Variants in JPH2 observed in about 807,000 individuals in gnomAD.
JPH2 encodes the protein junctophilin 2.
In JPH2, 38 loss-of-function variants were observed where a neutral mutation model predicts 55.9. That is an observed-to-expected ratio of 0.68 (90% CI 0.52 to 0.89). The LOEUF (loss-of-function observed/expected upper bound fraction) is 0.89. Ranked by LOEUF, JPH2 falls within the 40% of genes least tolerant of loss-of-function variation. The pLI is 0.00. For synonymous variants in JPH2, 480 were observed against 472.4 expected, an observed-to-expected ratio of 1.02 and a Z score of -0.21; for missense variants, 964 against 1,037.6, an observed-to-expected ratio of 0.93 and a Z score of 0.97.
chr20:44,126,718 G>A (rs956195080), intron 2 of JPH2, among the ~76,000 whole-genome samples: 2 of 152,218 alleles, frequency 1.3e-5, no homozygotes, highest in Admixed American at 1.3e-4. Flanking sequence ...TTCGGCAAAT[G>A]TGTGCTGAGC....
Position 44,115,895 on chromosome 20 carries a change from A to ACTCGGACCCGGAGACCTCGGG in JPH2, c.1759_1779dup (p.Pro587_Glu593dup), listed in dbSNP as rs774773499. 5.0e-5 allele frequency: 79 copies of ACTCGGACCCGGAGACCTCGGG among 1,575,950 alleles called. No homozygotes were observed. The highest frequency in any genetic ancestry group is 5.3e-5 in the Non-Finnish European group (62 of 1,167,588). On this transcript the variant is annotated inframe_insertion, in exon 4 of 6. Coordinates refer to ENST00000372980, the MANE Select transcript of JPH2 (RefSeq NM_020433.5). ...GCGGTGGCCGGGGACGAGGGCGCGG[A>ACTCGGACCCGGAGACCTCGGG]CTCGGACCCGGAGACCTCGGGCTCG...
rs373715686 is a variant in JPH2 at position 44,160,439 on chromosome 20, G to C, written c.380-32C>G. On this transcript the variant is annotated intron_variant, in intron 1 of 5. Coordinates refer to ENST00000372980, the MANE Select transcript of JPH2 (RefSeq NM_020433.5). The surrounding 1 kb of genome is among the most constrained non-coding windows in gnomAD (Gnocchi z 4.9). ...GCGAGGAGAGGGCGCGTCAGTAGGC[G>C]GCACGACGGGTCCCCGCGTGTGCAC... 2 of 1,600,016 alleles carry C rather than the reference G, an allele frequency of 1.2e-6. No individual in the cohort carries two copies. Among genetic ancestry groups the C allele is most frequent in the South Asian group, 2.2e-5 (2 of 88,926 alleles).
chr20:44,175,883 C>A (rs993769889), intron 1 of JPH2, among the ~76,000 whole-genome samples: 3 of 152,172 alleles, frequency 2.0e-5, no homozygotes, highest in Non-Finnish European at 1.5e-5. Flanking sequence ...GGGAGAGGGT[C>A]TAAAAGGAGA....
rs2072117927 is a variant in JPH2, at chr20:44,107,952, C to A, written c.*5566G>T. 6.6e-6 allele frequency among the ~76,000 whole-genome samples: 1 copy of A among 152,232 alleles called. No individual in the cohort carries two copies. The stretch of plus-strand genomic sequence containing the variant: ...ACCACAACTCACAGCTTATGCTAAC[C>A]AGATGGCTTATAGTGAGTGCTGGCC... On this transcript the variant is annotated 3_prime_UTR_variant, in exon 6 of 6. Transcript: ENST00000372980.
chr20:44,151,244 C>T (rs2072527830), intron 2 of JPH2, among the ~76,000 whole-genome samples: 1 of 151,386 alleles, frequency 6.6e-6, no homozygotes, highest in Admixed American at 6.6e-5. Flanking sequence ...TGGCTGGGCA[C>T]AGTGGCTCAC....
chr20:44,137,618 C>T (rs772845355), intron 2 of JPH2, among the ~76,000 whole-genome samples: 4 of 152,222 alleles, frequency 2.6e-5, no homozygotes, highest in East Asian at 1.9e-4. Context: ...CAGGCGGGGC[C>T]GAACCCAGCC....
chr20:44,127,842 G>A (rs1293069724), intron 2 of JPH2, among the ~76,000 whole-genome samples: 1 of 152,148 alleles, frequency 6.6e-6, no homozygotes, highest in Non-Finnish European at 1.5e-5. Flanking sequence ...CCATGTCATT[G>A]TGGTTTTGAT....
intron 2 of JPH2, among the ~76,000 whole-genome samples, chr20:44,131,760 C>T (rs1249665107): frequency 6.6e-6 from 1 of 152,160 alleles, no homozygotes; most frequent in Non-Finnish European, 1.5e-5. Flanking sequence ...TATTTTTGTG[C>T]TAGTGATTCC....
chr20:44,117,692 C>A (rs6124623), intron 3 of JPH2, among the ~76,000 whole-genome samples: 3 of 152,070 alleles, frequency 2.0e-5, no homozygotes, highest in African/African-American at 7.3e-5. Flanking sequence ...CTTGTTCAGC[C>A]TGCAAGATTC....
In JPH2 at chr20:44,130,475, C is replaced by G. The variant is rs2145849897; in HGVS notation, c.1170-11852G>C. On this transcript the variant is annotated intron_variant, in intron 2 of 5. Coordinates refer to ENST00000372980, the MANE Select transcript of JPH2 (RefSeq NM_020433.5). ...TTCTCTGGGGCCTGGCATCACCTGG[C>G]TGACTGTGCAGGACGGAGATCTGGC... Among the ~76,000 whole-genome samples, 2 of 152,374 alleles carry G rather than the reference C, an allele frequency of 1.3e-5. 1 individual carries two copies. Among genetic ancestry groups the G allele is most frequent in the African/African-American group, 4.8e-5 (2 of 41,586 alleles).
chr20:44,135,125 G>T (rs1442450205), intron 2 of JPH2, among the ~76,000 whole-genome samples: 3 of 151,406 alleles, frequency 2.0e-5, no homozygotes, highest in Non-Finnish European at 4.4e-5. Context: ...TGCCCAGCTA[G>T]ATGCTAACCC....
rs956744877 is a variant in JPH2, at chr20:44,110,452, T to A, written c.*3066A>T. Among the ~76,000 whole-genome samples, 3 of 151,220 alleles carry A rather than the reference T, an allele frequency of 2.0e-5. No homozygotes were observed. Among genetic ancestry groups the A allele is most frequent in the African/African-American group, 7.3e-5 (3 of 41,094 alleles). The stretch of plus-strand genomic sequence containing the variant: ...TGTTTTTTTTTTTTTCCAGATGGAG[T>A]CTTGCTCTGTCACCCAGGCTGGAGT... On this transcript the variant is annotated 3_prime_UTR_variant, in exon 6 of 6. Coordinates refer to ENST00000372980, the MANE Select transcript of JPH2 (RefSeq NM_020433.5).
intron 1 of JPH2, among the ~76,000 whole-genome samples, chr20:44,185,805 G>A (rs2072833357): frequency 6.6e-6 from 1 of 151,668 alleles, no homozygotes; most frequent in Non-Finnish European, 1.5e-5. Context: ...GTAGATGGAT[G>A]GATGGGCAGG....
rs1234500863 is a variant in JPH2, at chr20:44,159,506, G to A, written c.1169+112C>T. On this transcript the variant is annotated intron_variant, in intron 2 of 5. Coordinates refer to ENST00000372980, the MANE Select transcript of JPH2 (RefSeq NM_020433.5). This position sits in a 1 kb window ranked among gnomAD's most constrained non-coding sequence, Gnocchi z 5.7. ...CTCCAATTAACCCCTGAAGGTGATG[G>A]GGGTAAAAGAAGCAGAATCAGGCTT... The A allele has an allele frequency of 8.9e-7, 1 of 1,124,710 alleles. No individual in the cohort carries two copies. The highest frequency in any genetic ancestry group is 1.3e-6 in the Non-Finnish European group (1 of 780,938). 69.7% of individuals were successfully genotyped at this position (1,124,710 alleles called of 1,614,324 possible).
At chr20:44,143,333 G>A (rs929281271) in intron 2 of JPH2, among the ~76,000 whole-genome samples, 19 of 152,086 alleles carry the variant, frequency 1.2e-4, no homozygotes, top group African/African-American at 2.9e-4. Context: ...AGTTTCCCCC[G>A]TAGCTGTGGA....
In JPH2 at chr20:44,111,241, T is replaced by C. The variant is rs1382358370; in HGVS notation, c.*2277A>G. Among the ~76,000 whole-genome samples, 1 of 152,200 alleles carries C rather than the reference T, an allele frequency of 6.6e-6. No homozygotes were observed. The highest frequency in any genetic ancestry group is 1.5e-5 in the Non-Finnish European group (1 of 68,032). ...CTCTACCAAAACGCAAGAGGGCTTGTAGCAGAGCTAACAGCACCATAGCGT... is the reference window on the plus strand; with the variant it reads ...CTCTACCAAAACGCAAGAGGGCTTGCAGCAGAGCTAACAGCACCATAGCGT... On this transcript the variant is annotated 3_prime_UTR_variant, in exon 6 of 6. Coordinates refer to ENST00000372980, the MANE Select transcript of JPH2 (RefSeq NM_020433.5).
intron 2 of JPH2, among the ~76,000 whole-genome samples, chr20:44,124,306 C>T (rs753219926): frequency 9.2e-5 from 14 of 152,084 alleles, no homozygotes; most frequent in Non-Finnish European, 2.1e-4. Context: ...GGGGGACCCT[C>T]ACCGGACTTG....
At chr20:44,134,054 AT>A (rs1342138803) in intron 2 of JPH2, among the ~76,000 whole-genome samples, 1 of 25,244 alleles carries the variant, frequency 4.0e-5, no homozygotes, top group African/African-American at 2.0e-4. Flanking sequence ...ATAAATATAT[AT>A]TTATTATAAA....
At chr20:44,162,784 A>ATG (rs2072622776) in intron 1 of JPH2, among the ~76,000 whole-genome samples, 1 of 72,704 alleles carries the variant, frequency 1.4e-5, no homozygotes, top group Non-Finnish European at 2.8e-5. Context: ...ATATATATAT[A>ATG]TATACACACA....
Sources: gnomAD v4.1 joint callset for allele counts (sites outside exome capture counted in the v4.1 genomes callset) on GRCh38, gnomAD v4.1.1 for gene constraint, Gnocchi (gnomAD v3.1) non-coding constraint, MANE v1.5 for transcripts, NCBI Gene and HGNC (gene_info 2026-07-23, HGNC 2026-07-21) for gene names.